Variants in PLXNA4 observed in about 807,000 individuals in gnomAD.
The protein encoded by PLXNA4 is plexin A4.
Under a neutral mutation model 191.8 loss-of-function variants are expected in PLXNA4, and 44 were observed. That is an observed-to-expected ratio of 0.23 (90% CI 0.18 to 0.29). The LOEUF (loss-of-function observed/expected upper bound fraction) is 0.29, where lower values mean the gene tolerates loss of function less well. PLXNA4 is among the 10% of genes least tolerant of loss of function. PLXNA4 has a pLI of 1.00. For synonymous variants in PLXNA4, 1,082 were observed against 1,009.5 expected, an observed-to-expected ratio of 1.07 and a Z score of -1.36; for missense variants, 1,800 against 2,488.8, an observed-to-expected ratio of 0.72 and a Z score of 5.89.
chr7:132,152,978 G>A (rs1795689588), intron 25 of PLXNA4, among the ~76,000 whole-genome samples: 1 of 152,206 alleles, frequency 6.6e-6, no homozygotes, highest in Non-Finnish European at 1.5e-5. Context: ...CAGTGTGCTG[G>A]GCATGGCCAA....
chr7:132,625,596 G>A (rs966224042), intron 2 of PLXNA4, among the ~76,000 whole-genome samples: 3 of 152,122 alleles, frequency 2.0e-5, no homozygotes, highest in African/African-American at 7.2e-5. Flanking sequence ...GCAGTTACAG[G>A]CCTGAGATCC....
chr7:132,570,237 A>G (rs1023024782), intron 1 of PLXNA4, among the ~76,000 whole-genome samples: 1 of 152,172 alleles, frequency 6.6e-6, no homozygotes, highest in Non-Finnish European at 1.5e-5. Context: ...TTTAAGTATT[A>G]CTTTCAGGAA....
intron 3 of PLXNA4, among the ~76,000 whole-genome samples, chr7:132,435,633 T>C (rs1795442848): frequency 6.6e-6 from 1 of 152,180 alleles, no homozygotes; most frequent in Admixed American, 6.5e-5. Context: ...CGGGGGGTTG[T>C]CTGTGGATGT....
At chr7:132,192,994 A>T (rs1454106027) in intron 14 of PLXNA4, among the ~76,000 whole-genome samples, 8 of 152,024 alleles carry the variant, frequency 5.3e-5, no homozygotes, top group South Asian at 4.2e-4. Context: ...TGGATTGGGT[A>T]TGCAGGTGAG....
chr7:132,492,871 A>G (rs1797860101), intron 2 of PLXNA4, among the ~76,000 whole-genome samples: 2 of 152,136 alleles, frequency 1.3e-5, no homozygotes, highest in South Asian at 2.1e-4. Flanking sequence ...TTTTTTGTGT[A>G]TAGAAATCCT....
At chr7:132,592,075 A>C (rs1182002204) in intron 2 of PLXNA4, among the ~76,000 whole-genome samples, 2 of 152,196 alleles carry the variant, frequency 1.3e-5, no homozygotes, top group Non-Finnish European at 2.9e-5. Context: ...CCGCCAGCTC[A>C]TGAGGTGAAA....
At chr7:132,385,631 C>T (rs1805097686) in intron 3 of PLXNA4, among the ~76,000 whole-genome samples, 1 of 152,222 alleles carries the variant, frequency 6.6e-6, no homozygotes, top group African/African-American at 2.4e-5. Context: ...GGATGCCTCA[C>T]CTATGTCCCT....
chr7:132,302,620 C>G (rs1801349203), intron 3 of PLXNA4, among the ~76,000 whole-genome samples: 1 of 151,162 alleles, frequency 6.6e-6, no homozygotes, highest in South Asian at 2.1e-4. Context: ...GAAAAACAGA[C>G]AAGCAGAAGC....
At chr7:132,448,123 C>T (rs749632118) in intron 3 of PLXNA4, among the ~76,000 whole-genome samples, 10 of 152,234 alleles carry the variant, frequency 6.6e-5, no homozygotes, top group African/African-American at 1.4e-4. Context: ...CCAAACAGAG[C>T]TACGTTTTCC....
chr7:132,220,154 A>T (rs1220200797), intron 9 of PLXNA4, among the ~76,000 whole-genome samples: 2 of 152,252 alleles, frequency 1.3e-5, no homozygotes, highest in African/African-American at 4.8e-5. Context: ...GCAGCCAGGA[A>T]CTGTCTTTTG....
chr7:132,639,516 C>G (rs1006704749), intron 2 of PLXNA4, among the ~76,000 whole-genome samples: 10 of 152,124 alleles, frequency 6.6e-5, no homozygotes, highest in Non-Finnish European at 1.0e-4. Context: ...CACTGAAGCC[C>G]TGCCAAGAAC....
intron 2 of PLXNA4, among the ~76,000 whole-genome samples, chr7:132,635,751 C>A (rs921542252): frequency 6.6e-6 from 1 of 152,122 alleles, no homozygotes; most frequent in Non-Finnish European, 1.5e-5. Context: ...GGAAGTTCCA[C>A]GTTTAATACT....
chr7:132,392,892 G>A (rs886459127), intron 3 of PLXNA4, among the ~76,000 whole-genome samples: 19 of 152,026 alleles, frequency 1.2e-4, no homozygotes, highest in Non-Finnish European at 2.4e-4. Context: ...CAAAACCCAG[G>A]AGCCCTAGGA....
At chr7:132,528,358 A>ATG (rs1406572890) in intron 1 of PLXNA4, among the ~76,000 whole-genome samples, 1 of 152,092 alleles carries the variant, frequency 6.6e-6, no homozygotes, top group East Asian at 1.9e-4. Flanking sequence ...CAACCCACCA[A>ATG]TGTGTCTTTC....
chr7:132,477,809 A>G (rs1023176337), intron 3 of PLXNA4, among the ~76,000 whole-genome samples: 1 of 152,254 alleles, frequency 6.6e-6, no homozygotes. Flanking sequence ...TTCCTTTCAG[A>G]AAAACATCTC....
chr7:132,299,619 T>A (rs988400523), intron 3 of PLXNA4, among the ~76,000 whole-genome samples: 2 of 152,226 alleles, frequency 1.3e-5, no homozygotes, highest in Non-Finnish European at 2.9e-5. Flanking sequence ...CATAATTCCT[T>A]ATTGATATAA....
chr7:132,529,607 C>CTTT (rs35449894), intron 1 of PLXNA4, among the ~76,000 whole-genome samples: 8 of 136,156 alleles, frequency 5.9e-5, no homozygotes, highest in Non-Finnish European at 6.3e-5. Flanking sequence ...AATAGGTATT[C>CTTT]TTTTTTTTTT....
At chr7:132,231,977 T>C (rs886339606) in intron 5 of PLXNA4, among the ~76,000 whole-genome samples, 11 of 152,170 alleles carry the variant, frequency 7.2e-5, no homozygotes, top group African/African-American at 2.7e-4. Flanking sequence ...ATTTCTACTA[T>C]CCTCCAGGAT....
At chr7:132,405,251 T>C (rs1198932422) in intron 3 of PLXNA4, among the ~76,000 whole-genome samples, 1 of 151,992 alleles carries the variant, frequency 6.6e-6, no homozygotes, top group Non-Finnish European at 1.5e-5. Context: ...TGATTAAAAG[T>C]CTGGGTTTGA....
Sources: gnomAD v4.1 joint callset for allele counts (sites outside exome capture counted in the v4.1 genomes callset) on GRCh38, gnomAD v4.1.1 for gene constraint, MANE v1.5 for transcripts, NCBI Gene and HGNC (gene_info 2026-07-23, HGNC 2026-07-21) for gene names.